DLG2: variants seen among roughly 807,000 people sequenced by gnomAD.
DLG2 encodes disks large homolog 2.
Under a neutral mutation model 132.5 loss-of-function variants are expected in DLG2, and 45 were observed. The observed-to-expected ratio is 0.34, with a 90% confidence interval of 0.27 to 0.44. The LOEUF (loss-of-function observed/expected upper bound fraction) is 0.44, where lower values mean the gene tolerates loss of function less well. DLG2 is among the 20% of genes least tolerant of loss of function. DLG2 has a pLI of 1.00. For missense variants in DLG2, 1,045 were observed against 1,196.9 expected, an observed-to-expected ratio of 0.87 and a Z score of 1.87; for synonymous variants, 424 against 419.6, an observed-to-expected ratio of 1.01 and a Z score of -0.13.
chr11:84,937,215 C>G (rs1753097352), intron 6 of DLG2, among the ~76,000 whole-genome samples: 1 of 152,066 alleles, frequency 6.6e-6, no homozygotes, highest in Non-Finnish European at 1.5e-5. Flanking sequence ...AAGTTAAGAA[C>G]AGTTTCCATC....
At chr11:83,781,883 A>T (rs867718979) in intron 18 of DLG2, among the ~76,000 whole-genome samples, 32 of 152,220 alleles carry the variant, frequency 2.1e-4, no homozygotes, top group Admixed American at 2.6e-4. Flanking sequence ...ATTTACCCTG[A>T]TCTGACTTGG....
At chr11:84,667,741 C>T (rs748188423) in intron 6 of DLG2, among the ~76,000 whole-genome samples, 7 of 151,720 alleles carry the variant, frequency 4.6e-5, no homozygotes, top group South Asian at 2.1e-4. Flanking sequence ...TCGAGTGATC[C>T]GCCCACCTCA....
At chr11:83,602,152 C>T (rs760735084) in intron 19 of DLG2, among the ~76,000 whole-genome samples, 3 of 152,180 alleles carry the variant, frequency 2.0e-5, no homozygotes, top group Non-Finnish European at 4.4e-5. Context: ...TGGAAATGAG[C>T]GAGTCTTTCT....
At chr11:85,427,267 T>C (rs1243386094) in intron 3 of DLG2, among the ~76,000 whole-genome samples, 1 of 152,160 alleles carries the variant, frequency 6.6e-6, no homozygotes, top group African/African-American at 2.4e-5. Flanking sequence ...ATTCAGGAAA[T>C]ACAGAGAAAG....
intron 6 of DLG2, among the ~76,000 whole-genome samples, chr11:85,063,307 G>C (rs922406955): frequency 2.0e-5 from 3 of 151,828 alleles, no homozygotes; most frequent in Admixed American, 2.0e-4. Flanking sequence ...TTTTGAGTCT[G>C]TTTTCTGGGG....
intron 18 of DLG2, among the ~76,000 whole-genome samples, chr11:83,737,485 C>A (rs1416225109): frequency 6.6e-6 from 1 of 152,128 alleles, no homozygotes; most frequent in Non-Finnish European, 1.5e-5. Flanking sequence ...ACTTTTTCTC[C>A]ATTTCTGCTG....
chr11:84,296,635 C>T (rs2098092393), intron 7 of DLG2, among the ~76,000 whole-genome samples: 1 of 151,908 alleles, frequency 6.6e-6, no homozygotes, highest in African/African-American at 2.4e-5. Flanking sequence ...AGATGGGGTC[C>T]CACTATGTTG....
At chr11:84,640,632 T>C (rs866698425) in intron 6 of DLG2, 4 of 206,898 alleles carry the variant, frequency 1.9e-5, no homozygotes, top group Admixed American at 5.8e-5. Flanking sequence ...TTGTGATATA[T>C]AAACAATACA....
intron 18 of DLG2, among the ~76,000 whole-genome samples, chr11:83,685,957 C>T (rs534770547): frequency 6.6e-6 from 1 of 151,994 alleles, no homozygotes; most frequent in Non-Finnish European, 1.5e-5. Flanking sequence ...CACCCCATGC[C>T]TTATTCATCA....
At chr11:84,637,287 C>G (rs2099642325) in intron 6 of DLG2, among the ~76,000 whole-genome samples, 1 of 152,160 alleles carries the variant, frequency 6.6e-6, no homozygotes, top group Non-Finnish European at 1.5e-5. Context: ...CCAACAGCCC[C>G]AGGCTGTGAT....
chr11:85,519,222 C>G (rs954267852), intron 3 of DLG2, among the ~76,000 whole-genome samples: 12 of 152,170 alleles, frequency 7.9e-5, no homozygotes, highest in Non-Finnish European at 1.6e-4. Context: ...CACTGACAGC[C>G]TGCACCATGC....
At chr11:83,724,924 T>TCTCTC in intron 18 of DLG2, 1 of 702,458 alleles carries the variant, frequency 1.4e-6, no homozygotes, top group African/African-American at 1.7e-5. Context: ...TTCAGCTCTG[T>TCTCTC]TCCCTCCTCC....
At chr11:84,271,863 G>A (rs2097726619) in intron 7 of DLG2, among the ~76,000 whole-genome samples, 1 of 151,312 alleles carries the variant, frequency 6.6e-6, no homozygotes, top group Non-Finnish European at 1.5e-5. Flanking sequence ...ATCAAGAAGG[G>A]GGAAGATAAC....
At position 84,268,181 on chromosome 11, in the gene DLG2, CTG is replaced by C. The variant is rs553552266; in HGVS notation, c.520-16892_520-16891del. ...CATCTTGTAAACCCCTGTTTTAAAA[CTG>C]TCTCAAGACTTTTCTCCTTTTTCTA... On this transcript the variant is annotated intron_variant, in intron 7 of 27. Coordinates refer to ENST00000376104, the MANE Select transcript of DLG2 (RefSeq NM_001142699.3). Among the ~76,000 whole-genome samples, 456 of 152,324 alleles carry C rather than the reference CTG, an allele frequency of 3.0e-3. 2 individuals carry two copies. The highest frequency in any genetic ancestry group is 0.024 in the Middle Eastern group (7 of 294).
chr11:83,873,363 T>G (rs1230831190), intron 16 of DLG2, among the ~76,000 whole-genome samples: 3 of 152,198 alleles, frequency 2.0e-5, no homozygotes, highest in African/African-American at 7.2e-5. Flanking sequence ...TCCCACGTGT[T>G]GTGGGAGGGA....
intron 6 of DLG2, among the ~76,000 whole-genome samples, chr11:84,699,065 A>G (rs1265432944): frequency 6.6e-6 from 1 of 151,396 alleles, no homozygotes; most frequent in Non-Finnish European, 1.5e-5. Flanking sequence ...CTCGAGCTCC[A>G]TTTCCTTCCA....
intron 7 of DLG2, among the ~76,000 whole-genome samples, chr11:84,336,875 T>C (rs1187210966): frequency 2.0e-5 from 3 of 152,216 alleles, no homozygotes; most frequent in Non-Finnish European, 4.4e-5. Context: ...ATTCTTGCTC[T>C]TATCCTCATA....
intron 3 of DLG2, among the ~76,000 whole-genome samples, chr11:85,332,433 C>A (rs1008040404): frequency 6.6e-6 from 1 of 150,710 alleles, no homozygotes; most frequent in African/African-American, 2.4e-5. Context: ...CTCTATGGGT[C>A]CTTTTATTTT....
intron 3 of DLG2, among the ~76,000 whole-genome samples, chr11:85,376,761 G>A (rs535398331): frequency 5.3e-5 from 8 of 152,180 alleles, no homozygotes; most frequent in Non-Finnish European, 1.0e-4. Flanking sequence ...ATTAGAAAAG[G>A]GTGAAAACCA....
Sources: gnomAD v4.1 joint callset for allele counts (sites outside exome capture counted in the v4.1 genomes callset) on GRCh38, gnomAD v4.1.1 for gene constraint, MANE v1.5 for transcripts, NCBI Gene and HGNC (gene_info 2026-07-23, HGNC 2026-07-21) for gene names.